Variants in CFAP46 observed in about 807,000 individuals in gnomAD.
CFAP46 encodes the protein cilia- and flagella-associated protein 46.
Under a neutral mutation model 325.7 loss-of-function variants are expected in CFAP46, and 245 were observed. The ratio of observed to expected loss-of-function variants is 0.75; its 90% CI spans 0.68 to 0.84. The LOEUF is 0.84. CFAP46 is among the 40% of genes least tolerant of loss of function. The pLI is 0.00. For synonymous variants in CFAP46, 1,523 were observed against 1,495.9 expected (o/e 1.02, Z -0.42); for missense variants, 3,346 against 3,543.0 (o/e 0.94, Z 1.41).
intron 50 of CFAP46, among the ~76,000 whole-genome samples, chr10:132,825,449 C>T (rs549791938): frequency 5.3e-5 from 8 of 152,258 alleles, no homozygotes; most frequent in African/African-American, 1.7e-4. Flanking sequence ...CTTTGGGAGG[C>T]GATGAACACG....
intron 8 of CFAP46, among the ~76,000 whole-genome samples, chr10:132,930,505 C>T (rs1439765754): frequency 6.9e-6 from 1 of 144,554 alleles, no homozygotes; most frequent in African/African-American, 2.6e-5. Context: ...AGAGCCTGGG[C>T]CTTCCTCCTC....
At position 132,822,341 on chromosome 10, in the gene CFAP46, GGTGATGTGTGCTGTGTGTGCA is replaced by G. The variant is rs1168215071; in HGVS notation, c.7118-7448_7118-7428del. ...GTGTGGTGATGTGTGCTGTGTGTGT[GGTGATGTGTGCTGTGTGTGCA>G]GTGATGTGTGCTGTGTGTGTGCTGA... On this transcript the variant is annotated intron_variant, in intron 50 of 57. Coordinates refer to ENST00000368586, the MANE Select transcript of CFAP46 (RefSeq NM_001200049.3). 5.0e-4 allele frequency among the ~76,000 whole-genome samples: 70 copies of G among 139,396 alleles called. 3 individuals are homozygous for G. In the South Asian group the frequency reaches 5.9e-3, roughly 12 times the overall value. The allele number at this position is 139,396 out of a possible 152,430, so 91.4% of individuals were successfully genotyped here. A position where few individuals can be genotyped will look rare whatever the true frequency, so the allele number is the denominator to read the frequency against.
chr10:132,895,799 G>A (rs1382468919), intron 24 of CFAP46, among the ~76,000 whole-genome samples: 4 of 152,204 alleles, frequency 2.6e-5, no homozygotes, highest in Non-Finnish European at 5.9e-5. Context: ...GCCTCTGGGA[G>A]GTAATTGACG....
At chr10:132,846,861 C>A (rs1398490862) in intron 43 of CFAP46, 71 bp downstream of exon 43, 5 of 1,507,606 alleles carry the variant, frequency 3.3e-6, no homozygotes, top group Non-Finnish European at 4.4e-6. Flanking sequence ...AGGCGAGGGC[C>A]CCAGCTGAAG....
At chr10:132,810,267 C>T in intron 57 of CFAP46, 142 bp downstream of exon 57, 2 of 745,018 alleles carry the variant, frequency 2.7e-6, no homozygotes, top group South Asian at 1.6e-5. Flanking sequence ...CTTTCCGGCT[C>T]CTAGTTAACG....
At chr10:132,898,800 G>T in intron 24 of CFAP46, 159 bp downstream of exon 24, 1 of 990,408 alleles carries the variant, frequency 1.0e-6, no homozygotes, top group Non-Finnish European at 1.6e-6. Flanking sequence ...GCTGGGACTT[G>T]GAGACCCCCC....
intron 13 of CFAP46, among the ~76,000 whole-genome samples, chr10:132,920,589 C>T (rs548560442): frequency 6.6e-6 from 1 of 152,228 alleles, no homozygotes; most frequent in Non-Finnish European, 1.5e-5. Context: ...CCAGATGTTC[C>T]GAATCACCGC....
chr10:132,848,299 G>A (rs568174605), intron 41 of CFAP46, among the ~76,000 whole-genome samples: 1 of 152,316 alleles, frequency 6.6e-6, no homozygotes, highest in East Asian at 1.9e-4. Flanking sequence ...AAAATACTGA[G>A]GGAAGAGAAA....
intron 35 of CFAP46, among the ~76,000 whole-genome samples, chr10:132,864,403 CA>C (rs1848775698): frequency 1.7e-5 from 2 of 117,658 alleles, no homozygotes; most frequent in African/African-American, 3.4e-5. Context: ...CACCTGTCCC[CA>C]GTGCCTGAGA....
intron 25 of CFAP46, among the ~76,000 whole-genome samples, chr10:132,891,265 C>A (rs891560556): frequency 7.9e-5 from 12 of 152,180 alleles, no homozygotes; most frequent in African/African-American, 2.9e-4. Flanking sequence ...CTGAATGGGC[C>A]CTCCTCTCGG....
Position 132,929,777 on chromosome 10 carries a change from A to C in CFAP46, c.894T>G (p.Arg298=), listed in dbSNP as rs559471371. The C allele has an allele frequency of 6.2e-7, 1 of 1,609,984 alleles. No homozygotes were observed. The highest frequency in any genetic ancestry group is 1.3e-5 in the African/African-American group (1 of 74,898). Residue 298 remains arginine, a synonymous_variant, in exon 9 of 58, where the codon CGT becomes CGG. Transcript: ENST00000368586. ...CCATGCATTTCAAGGTCAAGGAAAA[A>C]CGCGCCAATTCAAAAAGCAAAAGCA... is the stretch of plus-strand genomic sequence containing the variant. ...EKMLLLFELA[R]FSLTLKCMEI...
chr10:132,809,524 C>T (rs766510431), intron 57 of CFAP46, among the ~76,000 whole-genome samples: 12 of 152,236 alleles, frequency 7.9e-5, no homozygotes, highest in African/African-American at 1.4e-4. Context: ...CCGGTATCCC[C>T]GGACCGTGGA....
At chr10:132,838,571 G>A (rs944561008) in intron 44 of CFAP46, among the ~76,000 whole-genome samples, 2 of 152,274 alleles carry the variant, frequency 1.3e-5, no homozygotes, top group South Asian at 2.1e-4. Context: ...GGAGCGTGGG[G>A]CTGGCCTTCC....
At position 132,827,107 on chromosome 10, in the gene CFAP46, C is replaced by T. The variant is rs1023803203; in HGVS notation, c.7117+6251G>A. 2.0e-5 allele frequency among the ~76,000 whole-genome samples: 3 copies of T among 152,176 alleles called. No individual in the cohort carries two copies. The highest frequency in any genetic ancestry group is 6.5e-5 in the Admixed American group (1 of 15,294). On this transcript the variant is annotated intron_variant, in intron 50 of 57. Transcript: ENST00000368586. This position sits in a 1 kb window ranked among gnomAD's most constrained non-coding sequence, Gnocchi z 5.7. ...GCTCCGGGCTCCCTGCCTCTCCACC[C>T]GGCACTCCCACCCTCTCCACAGCCT...
chr10:132,901,359 C>CT (rs1370979197), intron 22 of CFAP46, among the ~76,000 whole-genome samples: 1 of 152,188 alleles, frequency 6.6e-6, no homozygotes, highest in African/African-American at 2.4e-5. Context: ...CCTTTCTTCC[C>CT]TTTTTTTGCA....
chr10:132,908,544 G>C lies in CFAP46; in HGVS notation c.2848C>G (p.Arg950Gly). 1 of 1,550,536 alleles carries C rather than the reference G, an allele frequency of 6.4e-7. No homozygotes were observed. Among genetic ancestry groups the C allele is most frequent in the South Asian group, 1.2e-5 (1 of 84,058 alleles). Residue 950 changes from arginine (R) to glycine (G), a missense_variant, in exon 22 of 58, where the codon CGT becomes GGT. Physicochemically the swap from Arg to Gly is moderately radical, Grantham distance 125. Coordinates refer to ENST00000368586, the MANE Select transcript of CFAP46 (RefSeq NM_001200049.3). ...TRLTHFAHAARDHETTMACAH... is the reference protein window; with the variant it reads ...TRLTHFAHAAGDHETTMACAH... ...CAGGCCATGGTGGTCTCATGGTCAC[G>C]CGCTGCATGGGCGAAGTGGGTCAGC...
chr10:132,841,903 C>A lies in CFAP46; in HGVS notation c.6438+4154G>T, dbSNP rs146725344. Among the ~76,000 whole-genome samples the A allele has an allele frequency of 3.7e-3, 566 of 152,338 alleles. 3 individuals carry two copies. The highest frequency in any genetic ancestry group is 0.013 in the African/African-American group (534 of 41,560). On this transcript the variant is annotated intron_variant, in intron 44 of 57. Coordinates refer to ENST00000368586, the MANE Select transcript of CFAP46 (RefSeq NM_001200049.3). ...CTGCCCTCCATGGCCTCCAGGCTTG[C>A]AATGGGAGGGCAGCCTTGAGGATCT... is the stretch of plus-strand genomic sequence containing the variant.
chr10:132,907,343 A>G (rs1849471346), intron 22 of CFAP46, among the ~76,000 whole-genome samples: 1 of 152,246 alleles, frequency 6.6e-6, no homozygotes, highest in Admixed American at 6.5e-5. Context: ...GGGAAAGATT[A>G]GGGATGATAA....
chr10:132,912,118 ACCCCCACC>A (rs202055018), intron 19 of CFAP46, among the ~76,000 whole-genome samples: 2,560 of 36,338 alleles, frequency 0.07, 38 homozygotes, highest in East Asian at 0.26. Context: ...CTCTCCCTCC[ACCCCCACC>A]CCCCCACCCC....
Sources: gnomAD v4.1 joint callset for allele counts (sites outside exome capture counted in the v4.1 genomes callset) on GRCh38, gnomAD v4.1.1 for gene constraint, Gnocchi (gnomAD v3.1) non-coding constraint, MANE v1.5 for transcripts, NCBI Gene and HGNC (gene_info 2026-07-23, HGNC 2026-07-21) for gene names.